CDX4: variants seen among roughly 807,000 people sequenced by gnomAD.
CDX4 encodes the protein homeobox protein CDX-4.
CDX4 carries 11 observed loss-of-function variants against 14.1 expected under a neutral mutation model. That is an observed-to-expected ratio of 0.78 (90% CI 0.49 to 1.29). CDX4 has a LOEUF of 1.29. CDX4 is among the 50% of genes most tolerant of loss of function. The pLI, the probability that CDX4 is intolerant of heterozygous loss-of-function variation, is 0.00. For synonymous variants in CDX4, 100 were observed against 93.5 expected, an observed-to-expected ratio of 1.07 and a Z score of -0.40; for missense variants, 257 against 237.4, an observed-to-expected ratio of 1.08 and a Z score of -0.54.
In CDX4 at chrX:73,453,640, A is replaced by T; in HGVS notation, c.626A>T (p.Asn209Ile). 2.5e-6 allele frequency: 3 copies of T among 1,206,523 alleles called. No individual in the cohort carries two copies. The highest frequency in any genetic ancestry group is 3.4e-6 in the Non-Finnish European group (3 of 892,438). ...TIQRKSELAV[N>I]LGLSERQVKI... ...CAGAGAAAATCAGAGCTGGCAGTTA[A>T]CCTGGGCCTTTCCGAGAGACAGGTA... Residue 209 changes from asparagine (N) to isoleucine (I), a missense_variant, in exon 2 of 3, where the codon AAC becomes ATC. Coordinates refer to ENST00000373514, the MANE Select transcript of CDX4 (RefSeq NM_005193.2).
chrX:73,453,951 A>G (rs1329880552), intron 2 of CDX4, among the ~76,000 whole-genome samples: 3 of 111,662 alleles, frequency 2.7e-5, no homozygotes, highest in Non-Finnish European at 5.7e-5. Context: ...ATTTTATTTT[A>G]TTAATATTAT....
At chrX:73,451,561 T>C (rs1205901247) in intron 1 of CDX4, among the ~76,000 whole-genome samples, 1 of 111,320 alleles carries the variant, frequency 9.0e-6, no homozygotes, top group African/African-American at 3.3e-5. Flanking sequence ...AGGATTTTTA[T>C]GGCAAATAAA....
At chrX:73,452,992 C>G (rs1275525657) in intron 1 of CDX4, among the ~76,000 whole-genome samples, 1 of 111,732 alleles carries the variant, frequency 8.9e-6, no homozygotes, top group Non-Finnish European at 1.9e-5. Context: ...GGAGATAAGA[C>G]ATGTTCTGCA....
intron 1 of CDX4, among the ~76,000 whole-genome samples, chrX:73,452,320 A>G (rs1472344359): frequency 9.1e-6 from 1 of 109,471 alleles, no homozygotes. Flanking sequence ...GAACCACTTT[A>G]AAGACGTCTT....
intron 1 of CDX4, among the ~76,000 whole-genome samples, chrX:73,448,318 C>G (rs908294031): frequency 2.7e-5 from 3 of 111,593 alleles, no homozygotes; most frequent in African/African-American, 9.8e-5. Flanking sequence ...AACCTCTTCA[C>G]CCTGGCCTCT....
chrX:73,449,557 C>A (rs777518412), intron 1 of CDX4, among the ~76,000 whole-genome samples: 51 of 111,582 alleles, frequency 4.6e-4, no homozygotes, highest in African/African-American at 1.6e-3. Flanking sequence ...GATTTTCTAT[C>A]CAATTTCTAT....
chrX:73,447,888 G>T, intron 1 of CDX4, 133 bp downstream of exon 1: 2 of 741,001 alleles, frequency 2.7e-6, no homozygotes, highest in Non-Finnish European at 3.9e-6. Flanking sequence ...TATATGGCTG[G>T]CTGGCCTATT....
chrX:73,452,963 T>C (rs1199296925), intron 1 of CDX4, among the ~76,000 whole-genome samples: 1 of 111,961 alleles, frequency 8.9e-6, no homozygotes, highest in Non-Finnish European at 1.9e-5. Flanking sequence ...CTGAGCTTCA[T>C]GTTTCTTATC....
At chrX:73,449,933 C>A (rs181762943) in intron 1 of CDX4, among the ~76,000 whole-genome samples, 14 of 111,350 alleles carry the variant, frequency 1.3e-4, no homozygotes, top group Non-Finnish European at 1.9e-4. Flanking sequence ...CACTCAGGAC[C>A]AAAATGCACC....
chrX:73,454,757 A>G lies in CDX4; in HGVS notation c.*172A>G. On this transcript the variant is annotated 3_prime_UTR_variant, in exon 3 of 3. Transcript: ENST00000373514. ...TAGGGGACTCTTACTTTTAGAAACTATCCCCAGAAAACTCCTGTCACGTGC... is the reference window on the plus strand; with the variant it reads ...TAGGGGACTCTTACTTTTAGAAACTGTCCCCAGAAAACTCCTGTCACGTGC... The G allele has an allele frequency of 7.0e-6, 3 of 431,372 alleles. No individual in the cohort carries two copies. The East Asian group carries it at 1.1e-4, about 16-fold the overall frequency. 35.5% of individuals were successfully genotyped at this position (431,372 alleles called of 1,213,427 possible).
rs1201197981 is a variant in CDX4, at chrX:73,447,409, C to G, written c.156C>G (p.His52Gln). Reference protein sequence around the residue: ...SNFAAAPAFSHYMGYPHMPSM... With the variant: ...SNFAAAPAFSQYMGYPHMPSM... ...TCGCTGCGGCACCGGCTTTCTCGCA[C>G]TATATGGGGTATCCTCATATGCCCA... The change falls in exon 1 of 3, where the codon CAC becomes CAG. Residue 52 changes from histidine (H) to glutamine (Q), a missense_variant. Coordinates refer to ENST00000373514, the MANE Select transcript of CDX4 (RefSeq NM_005193.2). 2.5e-6 allele frequency: 3 copies of G among 1,211,251 alleles called. No individual in the cohort carries two copies. The highest frequency in any genetic ancestry group is 2.3e-4 in the Middle Eastern group (1 of 4,356).
At position 73,455,098 on chromosome X, in the gene CDX4, T is replaced by C. The variant is rs1248548764; in HGVS notation, c.*513T>C. 8.9e-6 allele frequency: 1 copy of C among 112,245 alleles called. No individual in the cohort carries two copies. Among genetic ancestry groups the C allele is most frequent in the Non-Finnish European group, 1.9e-5 (1 of 53,307 alleles). 9.3% of individuals were successfully genotyped at this position (112,245 alleles called of 1,213,427 possible). Reference sequence around the variant, plus strand: ...AATAAGATAAATGTTTTAAAAATCATCAGAAGGTGATTCTGATTCCATTGT... The same window carrying C: ...AATAAGATAAATGTTTTAAAAATCACCAGAAGGTGATTCTGATTCCATTGT... On this transcript the variant is annotated 3_prime_UTR_variant, in exon 3 of 3. Transcript: ENST00000373514.
chrX:73,447,239 T>C lies in CDX4; in HGVS notation c.-15T>C. On this transcript the variant is annotated 5_prime_UTR_variant, in exon 1 of 3. Transcript: ENST00000373514. Reference sequence around the variant, plus strand: ...CTTCAGGATGGCTTAGGGAGCGCCTTCTACCCAAGACACGATGTACGGAAG... The same window carrying C: ...CTTCAGGATGGCTTAGGGAGCGCCTCCTACCCAAGACACGATGTACGGAAG... 1.7e-6 allele frequency: 2 copies of C among 1,199,569 alleles called. No individual in the cohort carries two copies. Among genetic ancestry groups the C allele is most frequent in the Non-Finnish European group, 2.3e-6 (2 of 888,035 alleles).
At chrX:73,452,251 T>A (rs1337869860) in intron 1 of CDX4, among the ~76,000 whole-genome samples, 1 of 108,305 alleles carries the variant, frequency 9.2e-6, no homozygotes, top group Non-Finnish European at 1.9e-5. Flanking sequence ...TGGGATCTGA[T>A]GCTATGTAAC....
Position 73,447,609 on chromosome X carries a change from T to C in CDX4, c.356T>C (p.Val119Ala). 1 of 1,210,994 alleles carries C rather than the reference T, an allele frequency of 8.3e-7. No individual in the cohort carries two copies. The highest frequency in any genetic ancestry group is 1.1e-6 in the Non-Finnish European group (1 of 895,271). Residue 119 changes from valine to alanine, a missense_variant, in exon 1 of 3, where the codon GTG becomes GCG. Transcript: ENST00000373514. ...ACCGACTACAGCAACTTGGGCCCTG[T>C]GGGCGGTGGAACTAGCGGCAGCAGC... ...CSTDYSNLGP[V>A]GGGTSGSSLP...
At chrX:73,448,908 C>T (rs898257084) in intron 1 of CDX4, among the ~76,000 whole-genome samples, 1 of 111,583 alleles carries the variant, frequency 9.0e-6, no homozygotes, top group African/African-American at 3.3e-5. Flanking sequence ...GTCTTTCCTC[C>T]AAAAAGCAAA....
chrX:73,454,614 CT>C lies in CDX4; in HGVS notation c.*36del. 5.5e-6 allele frequency: 6 copies of C among 1,096,624 alleles called. No individual in the cohort carries two copies. The highest frequency in any genetic ancestry group is 7.5e-6 in the Non-Finnish European group (6 of 796,811). The allele number at this position is 1,096,624 out of a possible 1,213,427, so 90.4% of individuals were successfully genotyped here. ...AAAGCAAAGAGAAATTTAAAGTGCCCTTTTTTTAGTGATGTCTTTTGGGTCT... is the reference window on the plus strand; with the variant it reads ...AAAGCAAAGAGAAATTTAAAGTGCCCTTTTTTAGTGATGTCTTTTGGGTCT... On this transcript the variant is annotated 3_prime_UTR_variant, in exon 3 of 3. Transcript: ENST00000373514.
rs759350426 is a variant in CDX4, at chrX:73,447,724, T to G, written c.471T>G (p.Tyr157Ter). 6 of 1,187,579 alleles carry G rather than the reference T, an allele frequency of 5.1e-6. No individual in the cohort carries two copies. The South Asian group carries it at 9.2e-5, about 18-fold the overall frequency. Residue 157 changes from tyrosine (Y) to a stop codon, truncating the protein, a stop_gained, in exon 1 of 3, where the codon TAT becomes TAG. Transcript: ENST00000373514. LOFTEE classifies it high-confidence loss of function. ...SSPSRSRHSP[Y>*]AWMRKTVQVT... The stretch of plus-strand genomic sequence containing the variant: ...CCAGCAGGAGCCGCCACAGCCCCTA[T>G]GCATGGATGCGCAAGACGGTGCAGG...
intron 1 of CDX4, among the ~76,000 whole-genome samples, chrX:73,450,788 A>G: frequency 8.9e-6 from 1 of 111,942 alleles, no homozygotes; most frequent in Non-Finnish European, 1.9e-5. Flanking sequence ...TACTCCCTAC[A>G]TAAGAATATT....
Sources: allele counts gnomAD v4.1 joint callset (sites outside exome capture counted in the v4.1 genomes callset), GRCh38; gene constraint gnomAD v4.1.1; transcripts MANE v1.5; gene names NCBI Gene and HGNC (gene_info 2026-07-23, HGNC 2026-07-21).